The following R3HCC1L variants were observed in gnomAD, a reference collection of about 807,000 sequenced individuals.
R3HCC1L encodes the protein coiled-coil domain-containing protein R3HCC1L.
A neutral mutation model predicts 59.9 loss-of-function variants in R3HCC1L; 51 were observed. The ratio of observed to expected loss-of-function variants is 0.85; its 90% CI spans 0.68 to 1.07. R3HCC1L has a LOEUF of 1.07. R3HCC1L is among the 50% of genes least tolerant of loss of function. The probability of loss-of-function intolerance (pLI) is 0.00; values close to 1 mark genes in which losing one functional copy is unlikely to be tolerated. For synonymous variants in R3HCC1L, 322 were observed against 315.2 expected, an observed-to-expected ratio of 1.02 and a Z score of -0.23; for missense variants, 965 against 933.0, an observed-to-expected ratio of 1.03 and a Z score of -0.45.
At chr10:98,181,939 C>T (rs1451391803) in intron 4 of R3HCC1L, among the ~76,000 whole-genome samples, 2 of 151,884 alleles carry the variant, frequency 1.3e-5, no homozygotes, top group Admixed American at 6.6e-5. Context: ...TTTTAGCTTC[C>T]TTGTGATGGG....
intron 4 of R3HCC1L, among the ~76,000 whole-genome samples, chr10:98,194,577 A>G (rs1413491173): frequency 6.6e-6 from 1 of 152,212 alleles, no homozygotes; most frequent in Non-Finnish European, 1.5e-5. Context: ...TAAACCATAT[A>G]TTAGACTAGG....
chr10:98,182,589 T>C (rs926150608), intron 4 of R3HCC1L, among the ~76,000 whole-genome samples: 1 of 152,204 alleles, frequency 6.6e-6, no homozygotes, highest in African/African-American at 2.4e-5. Context: ...GACAGGAACG[T>C]TAAGTCTGCA....
At chr10:98,222,324 A>G (rs1412792319) in intron 5 of R3HCC1L, among the ~76,000 whole-genome samples, 2 of 152,068 alleles carry the variant, frequency 1.3e-5, no homozygotes, top group Admixed American at 6.6e-5. Context: ...GTCATCTGCA[A>G]ACAGGGACAA....
intron 5 of R3HCC1L, among the ~76,000 whole-genome samples, chr10:98,225,780 A>G (rs906158742): frequency 6.6e-6 from 1 of 152,190 alleles, no homozygotes; most frequent in African/African-American, 2.4e-5. Flanking sequence ...TGCTGACTAG[A>G]TTAGAGCAAA....
intron 4 of R3HCC1L, among the ~76,000 whole-genome samples, chr10:98,203,535 A>G (rs947136837): frequency 6.6e-6 from 1 of 152,362 alleles, no homozygotes; most frequent in Admixed American, 6.5e-5. Context: ...CTCAAATATC[A>G]GATGTCTCAT....
At chr10:98,194,128 A>G (rs573548213) in intron 4 of R3HCC1L, among the ~76,000 whole-genome samples, 2 of 152,282 alleles carry the variant, frequency 1.3e-5, no homozygotes, top group South Asian at 4.1e-4. Flanking sequence ...GTTAGCATAC[A>G]AGCAGACATA....
chr10:98,198,750 T>C (rs1408470477), intron 4 of R3HCC1L, among the ~76,000 whole-genome samples: 2 of 152,138 alleles, frequency 1.3e-5, no homozygotes, highest in African/African-American at 4.8e-5. Flanking sequence ...TTTAGTTGAT[T>C]TCTTGATTTG....
chr10:98,184,484 C>A (rs1027643069), intron 4 of R3HCC1L, among the ~76,000 whole-genome samples: 1 of 152,126 alleles, frequency 6.6e-6, no homozygotes. Flanking sequence ...CAATAATATA[C>A]CATACTGTAT....
chr10:98,220,290 T>A (rs886078783), intron 5 of R3HCC1L, among the ~76,000 whole-genome samples: 6 of 152,122 alleles, frequency 3.9e-5, no homozygotes, highest in African/African-American at 1.4e-4. Flanking sequence ...CTTGTATTAT[T>A]TATCTGTGTT....
At chr10:98,233,883 GAAGAA>G (rs1370210552) in intron 6 of R3HCC1L, among the ~76,000 whole-genome samples, 2 of 151,854 alleles carry the variant, frequency 1.3e-5, no homozygotes, top group African/African-American at 4.8e-5. Flanking sequence ...TGCAACAAGT[GAAGAA>G]TAGATCAGCC....
Position 98,236,211 on chromosome 10 carries a change from T to C in R3HCC1L, c.2269+47T>C, listed in dbSNP as rs757067995. 25 of 1,588,948 alleles carry C rather than the reference T, an allele frequency of 1.6e-5. No homozygotes were observed. The Admixed American group carries it at 2.3e-4, about 14-fold the overall frequency. ...CTTCTCTAGGCCCTTCAGAACTCAC[T>C]GTAAGGCATGTGTTTAAAAAAAAAT... On this transcript the variant is annotated intron_variant, in intron 9 of 9. Coordinates refer to ENST00000298999, the MANE Select transcript of R3HCC1L (RefSeq NM_001351015.2).
intron 1 of R3HCC1L, among the ~76,000 whole-genome samples, chr10:98,140,029 A>G (rs1039455477): frequency 6.6e-6 from 1 of 151,926 alleles, no homozygotes; most frequent in African/African-American, 2.4e-5. Flanking sequence ...GTTCATGACC[A>G]TTTAACCTGT....
intron 1 of R3HCC1L, among the ~76,000 whole-genome samples, chr10:98,137,086 C>T (rs1844673055): frequency 1.3e-5 from 2 of 152,082 alleles, no homozygotes; most frequent in African/African-American, 4.8e-5. Flanking sequence ...TGGCGTGCGC[C>T]TGTAGTCCCA....
intron 9 of R3HCC1L, among the ~76,000 whole-genome samples, chr10:98,236,393 C>T (rs1270867713): frequency 2.0e-5 from 3 of 152,094 alleles, no homozygotes; most frequent in African/African-American, 7.2e-5. Flanking sequence ...TGTTGTTTTC[C>T]AAGAGATAGG....
rs1853337304 is a variant in R3HCC1L at position 98,209,808 on chromosome 10, C to T, written c.1694C>T (p.Ser565Phe). The T allele has an allele frequency of 6.2e-7, 1 of 1,613,892 alleles. No individual in the cohort carries two copies. The highest frequency in any genetic ancestry group is 8.5e-7 in the Non-Finnish European group (1 of 1,179,844). ...TSIEPKATETSHTEGITAIEE... is the reference protein window; with the variant it reads ...TSIEPKATETFHTEGITAIEE... The stretch of plus-strand genomic sequence containing the variant: ...ATCGAACCAAAAGCAACTGAAACTT[C>T]TCACACAGAGGGAATTACTGCCATT... The change falls in exon 5 of 10, where the codon TCT (serine) becomes TTT (phenylalanine). Residue 565 changes from serine to phenylalanine, a missense_variant. Transcript: ENST00000298999.
chr10:98,167,847 A>G (rs1472874140), intron 4 of R3HCC1L, among the ~76,000 whole-genome samples: 1 of 152,218 alleles, frequency 6.6e-6, no homozygotes, highest in Non-Finnish European at 1.5e-5. Flanking sequence ...AACATATATG[A>G]CACTTAGCTG....
At chr10:98,239,195 A>G (rs190642634) in intron 9 of R3HCC1L, among the ~76,000 whole-genome samples, 12 of 152,318 alleles carry the variant, frequency 7.9e-5, no homozygotes, top group Admixed American at 3.9e-4. Flanking sequence ...AATTCAGGAT[A>G]TGATTATTGA....
chr10:98,189,382 T>TG (rs1202199448), intron 4 of R3HCC1L, among the ~76,000 whole-genome samples: 2 of 152,206 alleles, frequency 1.3e-5, no homozygotes, highest in African/African-American at 4.8e-5. Flanking sequence ...ACAGAACTGT[T>TG]TGACTTCTCA....
chr10:98,176,837 T>A (rs1849073996), intron 4 of R3HCC1L, among the ~76,000 whole-genome samples: 1 of 151,836 alleles, frequency 6.6e-6, no homozygotes, highest in Admixed American at 6.6e-5. Context: ...ACTATAGGTT[T>A]TTATTGCTCT....
Sources: gnomAD v4.1 joint callset for allele counts (sites outside exome capture counted in the v4.1 genomes callset) on GRCh38, gnomAD v4.1.1 for gene constraint, MANE v1.5 for transcripts, NCBI Gene and HGNC (gene_info 2026-07-23, HGNC 2026-07-21) for gene names.